Variants in TANGO6 observed in about 807,000 individuals in gnomAD.
TANGO6 encodes the protein transport and Golgi organization protein 6 homolog.
Under a neutral mutation model 114.2 loss-of-function variants are expected in TANGO6, and 90 were observed. The ratio of observed to expected loss-of-function variants is 0.79; its 90% CI spans 0.66 to 0.94. The LOEUF (loss-of-function observed/expected upper bound fraction) is 0.94. TANGO6 is among the 40% of genes least tolerant of loss of function. The probability of loss-of-function intolerance (pLI) is 0.00; values close to 1 mark genes in which losing one functional copy is unlikely to be tolerated. For synonymous variants in TANGO6, 477 were observed against 509.8 expected (o/e 0.94, Z 0.87); for missense variants, 1,274 against 1,315.3 (o/e 0.97, Z 0.49).
Position 68,845,836 on chromosome 16 carries a change from A to G in TANGO6, c.94+2125A>G, listed in dbSNP as rs114371142. Among the ~76,000 whole-genome samples the G allele has an allele frequency of 6.8e-4, 101 of 149,576 alleles. 1 individual carries two copies. Among genetic ancestry groups the G allele is most frequent in the African/African-American group, 2.5e-3 (101 of 40,890 alleles). ...CTCCGGCCTTGGGTGACAGAGTAAG[A>G]CCCTATTTTGTTTTTTGTTTTTTGT... On this transcript the variant is annotated intron_variant, in intron 1 of 17. Transcript: ENST00000261778.
intron 16 of TANGO6, among the ~76,000 whole-genome samples, chr16:69,036,355 T>C (rs762364119): frequency 2.8e-4 from 42 of 152,206 alleles, no homozygotes; most frequent in Admixed American, 7.2e-4. Flanking sequence ...ACTGTTCTTA[T>C]ATTTAGATGA....
intron 15 of TANGO6, among the ~76,000 whole-genome samples, chr16:69,007,453 T>C (rs773221298): frequency 6.6e-6 from 1 of 151,956 alleles, no homozygotes; most frequent in Admixed American, 6.6e-5. Flanking sequence ...GTATTTTTAG[T>C]AGAGACGGGT....
At chr16:68,901,301 C>G (rs1327497766) in intron 8 of TANGO6, among the ~76,000 whole-genome samples, 1 of 152,152 alleles carries the variant, frequency 6.6e-6, no homozygotes, top group Non-Finnish European at 1.5e-5. Context: ...ATCACCATTG[C>G]TAAGTGGTGA....
intron 11 of TANGO6, 58 bp downstream of exon 11, chr16:68,909,460 TA>T: frequency 7.1e-7 from 1 of 1,409,976 alleles, no homozygotes; most frequent in South Asian, 1.8e-5. Context: ...AAATAAAGTT[TA>T]AAAATGTTGC....
At chr16:68,871,417 A>T (rs1962265548) in intron 4 of TANGO6, among the ~76,000 whole-genome samples, 1 of 150,546 alleles carries the variant, frequency 6.6e-6, no homozygotes, top group African/African-American at 2.4e-5. Flanking sequence ...TGCTTTTTGG[A>T]GCTGTGGGTT....
At chr16:68,867,524 A>C in intron 4 of TANGO6, 1 of 256,290 alleles carries the variant, frequency 3.9e-6, no homozygotes, top group Non-Finnish European at 7.5e-6. Context: ...TGAAGTAAAA[A>C]CCCTAAAGTA....
intron 15 of TANGO6, among the ~76,000 whole-genome samples, chr16:69,014,358 A>T (rs1170610343): frequency 1.6e-5 from 2 of 127,364 alleles, no homozygotes; most frequent in South Asian, 4.6e-4. Context: ...GTCTTCTAGC[A>T]GACTTTCCTT....
chr16:68,888,523 G>A (rs1420989302), intron 7 of TANGO6, among the ~76,000 whole-genome samples: 1 of 152,200 alleles, frequency 6.6e-6, no homozygotes, highest in Non-Finnish European at 1.5e-5. Context: ...CAGAAGAAAT[G>A]TTAGGGTAGG....
intron 7 of TANGO6, among the ~76,000 whole-genome samples, chr16:68,888,697 A>T (rs1410092751): frequency 2.6e-5 from 4 of 152,246 alleles, no homozygotes; most frequent in East Asian, 1.9e-4. Context: ...TGGATATTTG[A>T]CTCCTCTTTC....
chr16:68,883,777 A>G (rs1361842377), intron 7 of TANGO6, among the ~76,000 whole-genome samples: 1 of 152,204 alleles, frequency 6.6e-6, no homozygotes, highest in East Asian at 1.9e-4. Flanking sequence ...TCCCATCGGC[A>G]GTATATGAGG....
In TANGO6 at chr16:68,909,316, G is replaced by A. The variant is rs755062433; in HGVS notation, c.1906G>A (p.Gly636Ser). The change falls in exon 11 of 18, where the codon GGC becomes AGC. Residue 636 changes from glycine (G) to serine (S), a missense_variant. By Grantham distance (56) the Gly-to-Ser change is moderately conservative. This residue lies in a region of TANGO6 where 908 missense variants were observed against 910.2 expected (regional missense o/e 1.00). Coordinates refer to ENST00000261778, the MANE Select transcript of TANGO6 (RefSeq NM_024562.2). ...GCAACATCAGACTCTTCTTGTGGAA[G>A]GCCAAGAGCGGAAGCTGCTTGTCCT... Reference protein sequence around the residue: ...LEQHQTLLVEGQERKLLVLQL... With the variant: ...LEQHQTLLVESQERKLLVLQL... The A allele has an allele frequency of 1.2e-6, 2 of 1,609,884 alleles. No individual in the cohort carries two copies. The highest frequency in any genetic ancestry group is 8.5e-7 in the Non-Finnish European group (1 of 1,177,902).
intron 15 of TANGO6, among the ~76,000 whole-genome samples, chr16:69,009,079 T>C (rs1660842953): frequency 8.4e-6 from 1 of 118,854 alleles, no homozygotes; most frequent in East Asian, 2.3e-4. Context: ...TTTCTTTTTT[T>C]TTTTTTTTTT....
intron 11 of TANGO6, among the ~76,000 whole-genome samples, chr16:68,915,283 G>A (rs138301690): frequency 5.0e-4 from 76 of 151,956 alleles, no homozygotes; most frequent in African/African-American, 1.7e-3. Context: ...ACTGTTGTTA[G>A]AGACAGGGTC....
At chr16:69,036,947 A>G (rs970806501) in intron 16 of TANGO6, among the ~76,000 whole-genome samples, 1 of 151,678 alleles carries the variant, frequency 6.6e-6, no homozygotes, top group Non-Finnish European at 1.5e-5. Flanking sequence ...TGGGTGACAC[A>G]GTGAGACTTT....
At chr16:68,850,828 T>C (rs1241035851) in intron 1 of TANGO6, among the ~76,000 whole-genome samples, 2 of 152,234 alleles carry the variant, frequency 1.3e-5, no homozygotes, top group Admixed American at 1.3e-4. Context: ...TTGGTGACCT[T>C]TGACATAGAG....
chr16:69,076,650 C>T (rs1470669041), intron 17 of TANGO6, among the ~76,000 whole-genome samples: 5 of 152,154 alleles, frequency 3.3e-5, no homozygotes, highest in Admixed American at 1.3e-4. Context: ...GTCGCCTCTC[C>T]AAGCTGTTGG....
intron 13 of TANGO6, among the ~76,000 whole-genome samples, chr16:68,928,823 G>A (rs1442761116): frequency 1.3e-5 from 2 of 152,186 alleles, no homozygotes; most frequent in African/African-American, 4.8e-5. Flanking sequence ...TAAGCCACCT[G>A]TTTTCTCTGG....
intron 14 of TANGO6, among the ~76,000 whole-genome samples, chr16:68,970,037 G>C (rs1318552170): frequency 2.0e-5 from 3 of 152,112 alleles, no homozygotes; most frequent in African/African-American, 7.2e-5. Flanking sequence ...GTGGGTTTCA[G>C]GATCGAATCT....
intron 7 of TANGO6, among the ~76,000 whole-genome samples, chr16:68,890,569 T>C (rs1025696420): frequency 1.3e-5 from 2 of 152,234 alleles, no homozygotes; most frequent in African/African-American, 4.8e-5. Flanking sequence ...AGCAATGTCA[T>C]GGAAGTCTAT....
Sources: gnomAD v4.1 joint callset for allele counts (sites outside exome capture counted in the v4.1 genomes callset) on GRCh38, gnomAD v4.1.1 for gene constraint, gnomAD v4.1.1 regional missense constraint, MANE v1.5 for transcripts, NCBI Gene and HGNC (gene_info 2026-07-23, HGNC 2026-07-21) for gene names.